Variants in AFF2 observed in about 807,000 individuals in gnomAD.
AFF2 encodes the protein ALF transcription elongation factor 2.
A neutral mutation model predicts 76.9 loss-of-function variants in AFF2; 14 were observed. That is an observed-to-expected ratio of 0.18 (90% CI 0.12 to 0.28). The LOEUF (loss-of-function observed/expected upper bound fraction) is 0.28. Among genes scored for constraint, AFF2 ranks in the 10% least tolerant of loss-of-function variants. The pLI is 1.00. For synonymous variants in AFF2, 398 were observed against 366.7 expected (o/e 1.09, Z -0.98); for missense variants, 868 against 1,001.1 (o/e 0.87, Z 1.79).
At chrX:148,864,235 A>C (rs138878798) in intron 7 of AFF2, among the ~76,000 whole-genome samples, 286 of 112,365 alleles carry the variant, frequency 2.5e-3, no homozygotes, top group Non-Finnish European at 4.1e-3. Context: ...CACAATTTTC[A>C]ACAGAATATT....
chrX:148,532,883 A>G (rs781967682), intron 1 of AFF2, among the ~76,000 whole-genome samples: 12 of 111,988 alleles, frequency 1.1e-4, no homozygotes, highest in Admixed American at 2.8e-4. Flanking sequence ...TATGTATTTA[A>G]CAGTCGGTCA....
intron 19 of AFF2, among the ~76,000 whole-genome samples, chrX:148,986,109 TG>T: frequency 1.9e-5 from 1 of 51,580 alleles, no homozygotes; most frequent in Admixed American, 3.0e-4. Context: ...GGTAAGGGGG[TG>T]GGGGGTGGGG....
intron 3 of AFF2, among the ~76,000 whole-genome samples, chrX:148,735,984 A>G (rs782201529): frequency 8.9e-6 from 1 of 112,337 alleles, no homozygotes; most frequent in South Asian, 3.7e-4. Context: ...TCAATTGTAT[A>G]TCTATACCAC....
rs2072571369 is a variant in AFF2, at chrX:148,994,524, A to T, written c.*3192A>T. ...AAGCAGATTAGCTGCTACTACTTTTAAAAGACTTAAGGTCGGGATGCCTTT... is the reference window on the plus strand; with the variant it reads ...AAGCAGATTAGCTGCTACTACTTTTTAAAGACTTAAGGTCGGGATGCCTTT... On this transcript the variant is annotated 3_prime_UTR_variant, in exon 21 of 21. Transcript: ENST00000370460. The T allele has an allele frequency of 8.9e-6, 1 of 112,287 alleles. No individual in the cohort carries two copies. Among genetic ancestry groups the T allele is most frequent in the Non-Finnish European group, 1.9e-5 (1 of 53,293 alleles). 9.3% of individuals were successfully genotyped at this position (112,287 alleles called of 1,213,427 possible).
At chrX:148,727,383 A>G (rs2055170971) in intron 3 of AFF2, among the ~76,000 whole-genome samples, 1 of 112,035 alleles carries the variant, frequency 8.9e-6, no homozygotes, top group Admixed American at 9.5e-5. Flanking sequence ...TATTTCCACC[A>G]TATCACTTTG....
intron 1 of AFF2, among the ~76,000 whole-genome samples, chrX:148,642,519 A>G (rs1404410798): frequency 1.8e-5 from 2 of 112,328 alleles, no homozygotes; most frequent in Non-Finnish European, 3.8e-5. Flanking sequence ...CTGATATTTA[A>G]TGGGCCTAGA....
chrX:148,996,554 C>G lies in AFF2; in HGVS notation c.*5222C>G, dbSNP rs2072602046. ...TTTAATATATGTGTTCATGTGGACA[C>G]ACACAGACACACACACACAAACTCA... On this transcript the variant is annotated 3_prime_UTR_variant, in exon 21 of 21. Coordinates refer to ENST00000370460, the MANE Select transcript of AFF2 (RefSeq NM_002025.4). 8.9e-6 allele frequency: 1 copy of G among 112,510 alleles called. No homozygotes were observed. The highest frequency in any genetic ancestry group is 1.9e-5 in the Non-Finnish European group (1 of 53,351). 9.3% of individuals were successfully genotyped at this position (112,510 alleles called of 1,213,427 possible). A position where few individuals can be genotyped will look rare whatever the true frequency, so the allele number is the denominator to read the frequency against.
At chrX:148,638,278 G>A (rs186467716) in intron 1 of AFF2, among the ~76,000 whole-genome samples, 25 of 111,497 alleles carry the variant, frequency 2.2e-4, no homozygotes, top group African/African-American at 3.3e-4. Flanking sequence ...TCACAGTTTC[G>A]CATGACAGGG....
intron 19 of AFF2, among the ~76,000 whole-genome samples, chrX:148,985,285 CT>C (rs151339705): frequency 4.6e-4 from 7 of 15,383 alleles, no homozygotes; most frequent in Admixed American, 1.3e-3. Context: ...TGTGCCTGGC[CT>C]TTTTTTTTTT....
intron 8 of AFF2, among the ~76,000 whole-genome samples, chrX:148,896,810 A>G (rs1234150108): frequency 9.1e-6 from 1 of 110,495 alleles, no homozygotes; most frequent in Non-Finnish European, 1.9e-5. Context: ...AGTACATTAG[A>G]CAATTAGATG....
At chrX:148,833,604 A>C (rs1465124611) in intron 4 of AFF2, among the ~76,000 whole-genome samples, 1 of 105,296 alleles carries the variant, frequency 9.5e-6, no homozygotes, top group Non-Finnish European at 2.0e-5. Context: ...GCTGTCTCAA[A>C]AAAAAAAAAA....
chrX:148,594,784 G>C (rs7063741), intron 1 of AFF2, among the ~76,000 whole-genome samples: 3,699 of 111,922 alleles, frequency 0.033, 169 homozygotes, highest in African/African-American at 0.12. Flanking sequence ...TAAGAAGTTA[G>C]ATCCCCAATT....
intron 7 of AFF2, among the ~76,000 whole-genome samples, chrX:148,870,790 C>G (rs1177101381): frequency 9.0e-6 from 1 of 111,717 alleles, no homozygotes; most frequent in Non-Finnish European, 1.9e-5. Flanking sequence ...AGAGGAACAC[C>G]CTTTTTACTT....
Position 148,999,337 on chromosome X carries a change from G to A in AFF2, c.*8005G>A, listed in dbSNP as rs188535773. The A allele has an allele frequency of 8.9e-6, 1 of 111,980 alleles. No individual in the cohort carries two copies. Among genetic ancestry groups the A allele is most frequent in the East Asian group, 2.8e-4 (1 of 3,573 alleles). 9.2% of individuals were successfully genotyped at this position (111,980 alleles called of 1,213,427 possible). ...AGAATCAGAAAGATAATCCCAACAT[G>A]TTGTAAATGAAGATGTGACTCTATA... On this transcript the variant is annotated 3_prime_UTR_variant, in exon 21 of 21. Coordinates refer to ENST00000370460, the MANE Select transcript of AFF2 (RefSeq NM_002025.4).
chrX:148,986,035 C>A (rs142312359), intron 19 of AFF2, among the ~76,000 whole-genome samples: 1,498 of 99,029 alleles, frequency 0.015, 26 homozygotes, highest in African/African-American at 0.05. Flanking sequence ...ATGTGCTGCC[C>A]GTCAGGGTGC....
intron 9 of AFF2, among the ~76,000 whole-genome samples, chrX:148,935,264 C>A (rs1159269032): frequency 9.1e-6 from 1 of 110,224 alleles, no homozygotes; most frequent in Non-Finnish European, 1.9e-5. Flanking sequence ...TTAGGTCTTA[C>A]ACTCAAGCGT....
chrX:148,670,677 CCAT>C (rs2054412644), intron 3 of AFF2, among the ~76,000 whole-genome samples: 1 of 111,319 alleles, frequency 9.0e-6, no homozygotes, highest in Non-Finnish European at 1.9e-5. Context: ...AAGACCATTG[CCAT>C]CATCAATTCA....
Position 148,617,191 on chromosome X carries a change from C to T in AFF2, c.48-34808C>T, listed in dbSNP as rs1444020899. On this transcript the variant is annotated intron_variant, in intron 1 of 20. Transcript: ENST00000370460. ...TTGAACTAGTTGACAGTCCCACCAA[C>T]AGTGTAAAAGTGTTCCTATTTCTCC... 2.7e-5 allele frequency among the ~76,000 whole-genome samples: 3 copies of T among 111,689 alleles called. No individual in the cohort carries two copies. In the East Asian group the frequency reaches 8.5e-4, roughly 32 times the overall value.
rs1224501475 is a variant in AFF2 at position 148,688,571 on chromosome X, T to C, written c.1041+25803T>C. 2.7e-5 allele frequency among the ~76,000 whole-genome samples: 3 copies of C among 111,410 alleles called. No homozygotes were observed. The Admixed American group carries it at 2.9e-4, about 11-fold the overall frequency. On this transcript the variant is annotated intron_variant, in intron 3 of 20. Coordinates refer to ENST00000370460, the MANE Select transcript of AFF2 (RefSeq NM_002025.4). ...GGCAAGGAGTATAGTGAAATTAATT[T>C]ATCATTGTATCCCTTGTACCTAGCA...
Sources: gnomAD v4.1 joint callset for allele counts (sites outside exome capture counted in the v4.1 genomes callset) on GRCh38, gnomAD v4.1.1 for gene constraint, MANE v1.5 for transcripts, NCBI Gene and HGNC (gene_info 2026-07-23, HGNC 2026-07-21) for gene names.